Variants in ARID1B observed in about 807,000 individuals in gnomAD.
The protein encoded by ARID1B is AT-rich interactive domain-containing protein 1B.
A neutral mutation model predicts 212.3 loss-of-function variants in ARID1B; 30 were observed. The observed-to-expected ratio is 0.14, with a 90% CI of 0.11 to 0.19. ARID1B has a LOEUF of 0.19. ARID1B is among the 10% of genes least tolerant of loss of function. ARID1B has a pLI of 1.00. For missense variants in ARID1B, 2,891 were observed against 3,204.0 expected, an observed-to-expected ratio of 0.90 and a Z score of 2.36; for synonymous variants, 1,402 against 1,301.7, an observed-to-expected ratio of 1.08 and a Z score of -1.66.
At chr6:156,941,209 A>G (rs1242139283) in intron 4 of ARID1B, 1 of 152,154 alleles carries the variant, frequency 6.6e-6, no homozygotes, top group African/African-American at 2.4e-5. Flanking sequence ...GGCTATGTTG[A>G]GTTTTAGAGT....
At chr6:157,043,355 C>T (rs1362016267) in intron 4 of ARID1B, among the ~76,000 whole-genome samples, 6 of 152,158 alleles carry the variant, frequency 3.9e-5, no homozygotes, top group Non-Finnish European at 8.8e-5. Flanking sequence ...TCGGCATGGG[C>T]GCCTTCTGAG....
At chr6:157,141,221 A>C (rs570581336) in intron 7 of ARID1B, 3 of 152,262 alleles carry the variant, frequency 2.0e-5, no homozygotes, top group Admixed American at 1.3e-4. Flanking sequence ...TATTTTCTGC[A>C]TTGAGCGTGC....
At chr6:156,813,270 A>ATT (rs553503458) in intron 1 of ARID1B, among the ~76,000 whole-genome samples, 51 of 138,256 alleles carry the variant, frequency 3.7e-4, no homozygotes, top group South Asian at 2.8e-3. Flanking sequence ...CGCCCTGCTA[A>ATT]TTTTTTTTTT....
At chr6:156,847,825 T>C (rs530177736) in intron 2 of ARID1B, among the ~76,000 whole-genome samples, 1 of 152,202 alleles carries the variant, frequency 6.6e-6, no homozygotes, top group Admixed American at 6.5e-5. Flanking sequence ...TAGACCCGGC[T>C]CTCTGCAGAT....
Position 157,206,342 on chromosome 6 carries a change from ATGC to A in ARID1B, c.5573_5575del (p.Ala1858del). 6.2e-7 allele frequency: 1 copy of A among 1,614,206 alleles called. No individual in the cohort carries two copies. The highest frequency in any genetic ancestry group is 8.5e-7 in the Non-Finnish European group (1 of 1,180,038). The stretch of plus-strand genomic sequence containing the variant: ...GACGATTCTGGGAAAGAGGAGGAAG[ATGC>A]TGAATGTATTGATGACGACGAGGAA... On this transcript the variant is annotated inframe_deletion, in exon 20 of 20. Transcript: ENST00000636930. The surrounding 1 kb of genome is among the most constrained non-coding windows in gnomAD (Gnocchi z 6.8).
intron 1 of ARID1B, among the ~76,000 whole-genome samples, chr6:156,809,520 T>C (rs1395999859): frequency 1.3e-5 from 2 of 152,272 alleles, no homozygotes; most frequent in Admixed American, 6.5e-5. Flanking sequence ...TTAGTAATTA[T>C]GCATGCTTAA....
intron 2 of ARID1B, among the ~76,000 whole-genome samples, chr6:156,893,661 TAAGCACATGAA>T (rs1788143159): frequency 6.6e-6 from 1 of 152,076 alleles, no homozygotes; most frequent in Non-Finnish European, 1.5e-5. Flanking sequence ...ACATGGCCAA[TAAGCACATGAA>T]AAGGTACTCA....
chr6:156,849,030 A>C (rs1373686472), intron 2 of ARID1B, among the ~76,000 whole-genome samples: 1 of 152,160 alleles, frequency 6.6e-6, no homozygotes, highest in East Asian at 1.9e-4. Context: ...TCACTAATTA[A>C]CTGAGCACCA....
In ARID1B at chr6:157,138,804, G is replaced by A. The variant is rs143803556; in HGVS notation, c.2761+5597G>A. 8.3e-3 allele frequency among the ~76,000 whole-genome samples: 1,258 copies of A among 152,284 alleles called. 19 individuals carry two copies. The highest frequency in any genetic ancestry group is 0.029 in the African/African-American group (1,196 of 41,544). ...ACCTTGTTTTTTGGTTAAATCGACA[G>A]TGCAAAGCAAAAGGATTAATTCCTT... On this transcript the variant is annotated intron_variant, in intron 7 of 19. Coordinates refer to ENST00000636930, the MANE Select transcript of ARID1B (RefSeq NM_001374828.1).
intron 4 of ARID1B, among the ~76,000 whole-genome samples, chr6:156,972,411 C>T (rs1776990182): frequency 6.6e-6 from 1 of 152,138 alleles, no homozygotes; most frequent in African/African-American, 2.4e-5. Flanking sequence ...TATCCCTTCC[C>T]CTGTGCCCAC....
At chr6:156,886,139 C>G (rs1284651068) in intron 2 of ARID1B, among the ~76,000 whole-genome samples, 1 of 152,212 alleles carries the variant, frequency 6.6e-6, no homozygotes, top group Non-Finnish European at 1.5e-5. Context: ...AAGGGACATT[C>G]TACCCATACT....
intron 2 of ARID1B, among the ~76,000 whole-genome samples, chr6:156,897,598 T>A (rs1053887553): frequency 5.3e-5 from 8 of 151,672 alleles, no homozygotes; most frequent in Non-Finnish European, 8.8e-5. Flanking sequence ...AAATAACAAA[T>A]GGAAATGTTC....
At chr6:156,856,551 C>G (rs1274502204) in intron 2 of ARID1B, among the ~76,000 whole-genome samples, 1 of 152,158 alleles carries the variant, frequency 6.6e-6, no homozygotes, top group Non-Finnish European at 1.5e-5. Flanking sequence ...AACCACTGCT[C>G]CATGCTGCCT....
chr6:157,028,384 A>G (rs1780801247), intron 4 of ARID1B, among the ~76,000 whole-genome samples: 1 of 152,232 alleles, frequency 6.6e-6, no homozygotes, highest in East Asian at 1.9e-4. Flanking sequence ...TGTAGAAATA[A>G]TAATGTAATG....
intron 2 of ARID1B, among the ~76,000 whole-genome samples, chr6:156,879,177 T>C (rs986294519): frequency 6.6e-6 from 1 of 152,236 alleles, no homozygotes; most frequent in Admixed American, 6.5e-5. Context: ...TCCAAAGGAC[T>C]GAGATGTGTA....
rs917306275 is a variant in ARID1B at position 157,174,904 on chromosome 6, C to T, written c.3403C>T (p.Pro1135Ser). 5 of 1,553,340 alleles carry T rather than the reference C, an allele frequency of 3.2e-6. No individual in the cohort carries two copies. The highest frequency in any genetic ancestry group is 4.4e-6 in the Non-Finnish European group (5 of 1,149,182). The part of the protein sequence containing the change: ...QPPTPGNLPV[P>S]SPMSPSSASI... ...CCCAACCCCAGGCAACCTGCCAGTC[C>T]CTTCCCCAATGTCCCCCAGCTCTGC... The change falls in exon 11 of 20, where the codon CCT becomes TCT. Residue 1135 changes from proline to serine, a missense_variant. Pro to Ser is a moderately conservative substitution (Grantham distance 74). Around this residue, in one of 7 missense-constraint regions of ARID1B, gnomAD observed 666 missense variants for 873.5 expected, o/e 0.76. Transcript: ENST00000636930.
intron 2 of ARID1B, among the ~76,000 whole-genome samples, chr6:156,831,334 G>T (rs1327677918): frequency 1.3e-5 from 2 of 152,196 alleles, no homozygotes; most frequent in Non-Finnish European, 2.9e-5. Context: ...TAGTGGGACC[G>T]GCAGAGAGAA....
intron 3 of ARID1B, among the ~76,000 whole-genome samples, chr6:156,927,317 C>T (rs947805099): frequency 6.6e-6 from 1 of 152,202 alleles, no homozygotes; most frequent in African/African-American, 2.4e-5. Flanking sequence ...GAAACTGGGA[C>T]ATTTGTCTAG....
chr6:156,930,255 C>T (rs958180394), intron 3 of ARID1B, among the ~76,000 whole-genome samples: 4 of 152,062 alleles, frequency 2.6e-5, no homozygotes, highest in Non-Finnish European at 4.4e-5. Context: ...GTGCTGTTCT[C>T]GTGATAGTGA....
Sources: gnomAD v4.1 joint callset for allele counts (sites outside exome capture counted in the v4.1 genomes callset) on GRCh38, gnomAD v4.1.1 for gene constraint, gnomAD v4.1.1 regional missense constraint, Gnocchi (gnomAD v3.1) non-coding constraint, MANE v1.5 for transcripts, NCBI Gene and HGNC (gene_info 2026-07-23, HGNC 2026-07-21) for gene names.